DPH6: variants seen among roughly 807,000 people sequenced by gnomAD.
DPH6 encodes the protein diphthine--ammonia ligase.
In DPH6, 33 loss-of-function variants were observed where a neutral mutation model predicts 38.2. That is an observed-to-expected ratio of 0.86 (90% CI 0.65 to 1.15). DPH6 has a LOEUF of 1.15. DPH6 is among the 50% of genes most tolerant of loss of function. DPH6 has a pLI of 0.00. For synonymous variants in DPH6, 108 were observed against 103.0 expected, an observed-to-expected ratio of 1.05 and a Z score of -0.30; for missense variants, 325 against 320.0, an observed-to-expected ratio of 1.02 and a Z score of -0.12.
intron 4 of DPH6, among the ~76,000 whole-genome samples, chr15:35,453,996 T>G (rs1407850995): frequency 3.9e-5 from 6 of 151,930 alleles, no homozygotes; most frequent in African/African-American, 1.5e-4. Context: ...CAATTTTTTT[T>G]GTTAATATAA....
intron 3 of DPH6, among the ~76,000 whole-genome samples, chr15:35,487,589 A>G (rs1379134925): frequency 6.6e-6 from 1 of 152,230 alleles, no homozygotes; most frequent in Non-Finnish European, 1.5e-5. Flanking sequence ...TGTGCAGAGC[A>G]GTGGGGCAGT....
At chr15:35,524,441 C>T (rs962784250) in intron 3 of DPH6, among the ~76,000 whole-genome samples, 2 of 152,114 alleles carry the variant, frequency 1.3e-5, no homozygotes, top group Admixed American at 6.5e-5. Flanking sequence ...AAACCATATG[C>T]CTTCCCCTCC....
intron 3 of DPH6, among the ~76,000 whole-genome samples, chr15:35,356,596 C>T (rs767826984): frequency 6.6e-6 from 1 of 152,156 alleles, no homozygotes. Flanking sequence ...TGCAGAGCAG[C>T]GGATATTGGT....
chr15:35,243,652 C>G (rs1443935463), intron 3 of DPH6, among the ~76,000 whole-genome samples: 6 of 149,822 alleles, frequency 4.0e-5, no homozygotes, highest in African/African-American at 1.2e-4. Flanking sequence ...CCCTGCCCAC[C>G]AGAGAACAAC....
chr15:35,244,410 GTGTCCCCTGGACACTC>G (rs1203047620), intron 3 of DPH6, among the ~76,000 whole-genome samples: 4 of 152,152 alleles, frequency 2.6e-5, no homozygotes, highest in Non-Finnish European at 5.9e-5. Context: ...GATTGGTGTG[GTGTCCCCTGGACACTC>G]TGGTGCAAAC....
At chr15:35,344,134 G>C (rs942995952) in intron 3 of DPH6, among the ~76,000 whole-genome samples, 1 of 151,956 alleles carries the variant, frequency 6.6e-6, no homozygotes, top group African/African-American at 2.4e-5. Context: ...ATTAAAAAAT[G>C]TCTTTCTTTT....
chr15:35,205,488 C>G, the DPH6 span, among the ~76,000 whole-genome samples: 1 of 151,994 alleles, frequency 6.6e-6, no homozygotes, highest in African/African-American at 2.4e-5. Context: ...TTAAATAAAA[C>G]TTGGCCAACT....
chr15:35,299,037 T>C (rs1189741002), intron 3 of DPH6: 3 of 721,702 alleles, frequency 4.2e-6, no homozygotes, highest in East Asian at 2.5e-5. Flanking sequence ...TCTGTATTTA[T>C]GCCTTTCTTC....
the DPH6 span, among the ~76,000 whole-genome samples, chr15:35,201,023 A>G: frequency 8.4e-6 from 1 of 118,370 alleles, no homozygotes; most frequent in Non-Finnish European, 1.7e-5. Flanking sequence ...TCATTTTGGT[A>G]TAATACTTAC....
intron 3 of DPH6, among the ~76,000 whole-genome samples, chr15:35,267,811 C>A (rs1480273236): frequency 6.6e-6 from 1 of 152,070 alleles, no homozygotes; most frequent in African/African-American, 2.4e-5. Context: ...CAAATAGGAT[C>A]CTAGTGCTAC....
chr15:35,197,161 C>T, the DPH6 span, among the ~76,000 whole-genome samples: 1 of 152,072 alleles, frequency 6.6e-6, no homozygotes, highest in Admixed American at 6.6e-5. Context: ...AAACCAAAAA[C>T]TCGTATGACT....
chr15:35,302,587 A>G (rs1566863838), intron 3 of DPH6, among the ~76,000 whole-genome samples: 2 of 152,218 alleles, frequency 1.3e-5, no homozygotes, highest in African/African-American at 4.8e-5. Flanking sequence ...AGATTATGGC[A>G]AAGAGATCCT....
chr15:35,279,377 T>A (rs893134507), intron 3 of DPH6, among the ~76,000 whole-genome samples: 1 of 152,042 alleles, frequency 6.6e-6, no homozygotes, highest in Non-Finnish European at 1.5e-5. Flanking sequence ...TGTAAGGACA[T>A]GAGATTTGAG....
chr15:35,524,554 G>A (rs917359456), intron 3 of DPH6, among the ~76,000 whole-genome samples: 8 of 152,138 alleles, frequency 5.3e-5, no homozygotes, highest in African/African-American at 1.9e-4. Flanking sequence ...GCAATTCTGG[G>A]AGGCAGCAGA....
chr15:35,202,042 T>C, the DPH6 span, among the ~76,000 whole-genome samples: 4,355 of 151,908 alleles, frequency 0.029, 287 homozygotes, highest in East Asian at 0.3. Context: ...GTTTTCCTTT[T>C]TTGTAGCACA....
chr15:35,356,542 G>A (rs2052561898), intron 3 of DPH6, among the ~76,000 whole-genome samples: 1 of 152,140 alleles, frequency 6.6e-6, no homozygotes, highest in Admixed American at 6.5e-5. Context: ...GTTTGCTGGA[G>A]GTCCACTCCA....
At chr15:35,426,378 A>G (rs1381999276) in intron 5 of DPH6, among the ~76,000 whole-genome samples, 1 of 151,830 alleles carries the variant, frequency 6.6e-6, no homozygotes, top group Non-Finnish European at 1.5e-5. Flanking sequence ...AGAATAATAC[A>G]AATTGCTTTT....
At chr15:35,469,197 A>T (rs2054167036) in intron 3 of DPH6, among the ~76,000 whole-genome samples, 1 of 152,212 alleles carries the variant, frequency 6.6e-6, no homozygotes, top group Non-Finnish European at 1.5e-5. Context: ...ACAGGGAAGG[A>T]AAGGAAGATT....
rs1427201828 is a variant in DPH6 at position 35,508,390 on chromosome 15, A to G, written c.312+29884T>C. ...AGTTGCTCTAACGATTTTCTTATATATCCAAAAGGCTTCTTTACGAGGCAT... is the reference window on the plus strand; with the variant it reads ...AGTTGCTCTAACGATTTTCTTATATGTCCAAAAGGCTTCTTTACGAGGCAT... On this transcript the variant is annotated intron_variant, in intron 3 of 8. Transcript: ENST00000256538. 1.3e-5 allele frequency among the ~76,000 whole-genome samples: 2 copies of G among 152,146 alleles called. 1 individual carries two copies. The highest frequency in any genetic ancestry group is 2.9e-5 in the Non-Finnish European group (2 of 68,036).
Sources: gnomAD v4.1 joint callset for allele counts (sites outside exome capture counted in the v4.1 genomes callset) on GRCh38, gnomAD v4.1.1 for gene constraint, MANE v1.5 for transcripts, NCBI Gene and HGNC (gene_info 2026-07-23, HGNC 2026-07-21) for gene names.